LRGUK: variants seen among roughly 807,000 people sequenced by gnomAD.
The protein encoded by LRGUK is leucine rich repeats and guanylate kinase domain containing.
A neutral mutation model predicts 76.0 loss-of-function variants in LRGUK; 65 were observed. That is an observed-to-expected ratio of 0.85 (90% CI 0.70 to 1.05). The LOEUF is 1.05. Among genes scored for constraint, LRGUK ranks in the 50% least tolerant of loss-of-function variants. LRGUK has a pLI of 0.00. For synonymous variants in LRGUK, 268 were observed against 265.6 expected (o/e 1.01, Z -0.09); for missense variants, 758 against 732.8 (o/e 1.03, Z -0.40).
rs372299520 is a variant in LRGUK at position 134,166,243 on chromosome 7, G to A, written c.939+2703G>A. Among the ~76,000 whole-genome samples the A allele has an allele frequency of 4.6e-5, 7 of 151,950 alleles. No homozygotes were observed. The East Asian group carries it at 9.6e-4, about 21-fold the overall frequency. On this transcript the variant is annotated intron_variant, in intron 7 of 15. Transcript: ENST00000645682. ...GCACTTCATCAGTATTATGTACTTG[G>A]TTTTAGCAATTGAAACATTGTAGCA...
chr7:134,174,142 T>C (rs1799382602), intron 7 of LRGUK, among the ~76,000 whole-genome samples: 1 of 148,060 alleles, frequency 6.8e-6, no homozygotes, highest in African/African-American at 2.5e-5. Flanking sequence ...CAGTCATAAA[T>C]GACCAGGGTA....
intron 19 of LRGUK, 44 bp downstream of exon 19, chr7:134,258,449 G>A: frequency 2.5e-6 from 4 of 1,576,626 alleles, no homozygotes; most frequent in Non-Finnish European, 3.5e-6. Flanking sequence ...TGTAATCCCA[G>A]CACTTTGGGA....
At chr7:134,274,712 T>C in the LRGUK span, among the ~76,000 whole-genome samples, 52 of 152,308 alleles carry the variant, frequency 3.4e-4, no homozygotes, top group Non-Finnish European at 7.4e-5. Flanking sequence ...CTTGTTTCAA[T>C]GGAAAAGAGT....
intron 10 of LRGUK, among the ~76,000 whole-genome samples, chr7:134,183,010 C>T (rs373177600): frequency 1.3e-5 from 2 of 152,254 alleles, no homozygotes; most frequent in African/African-American, 4.8e-5. Context: ...TCTGCCTCAG[C>T]CTCCCAAAGT....
chr7:134,217,942 T>C (rs1428449213), intron 15 of LRGUK, among the ~76,000 whole-genome samples: 2 of 152,078 alleles, frequency 1.3e-5, no homozygotes, highest in Non-Finnish European at 2.9e-5. Context: ...AAACCCTCAC[T>C]ATATGGTTTT....
At chr7:134,177,577 T>C (rs1799533820) in intron 9 of LRGUK, among the ~76,000 whole-genome samples, 1 of 152,226 alleles carries the variant, frequency 6.6e-6, no homozygotes, top group Non-Finnish European at 1.5e-5. Flanking sequence ...AGAACTTGAA[T>C]GCTAGCACCT....
intron 3 of LRGUK, among the ~76,000 whole-genome samples, chr7:134,140,003 C>G (rs1797704258): frequency 6.6e-6 from 1 of 152,032 alleles, no homozygotes; most frequent in Admixed American, 6.5e-5. Flanking sequence ...GAGTCTCACT[C>G]TGTTGCCCAG....
At chr7:134,270,153 C>A in the LRGUK span, among the ~76,000 whole-genome samples, 8 of 152,070 alleles carry the variant, frequency 5.3e-5, no homozygotes, top group Admixed American at 5.2e-4. Context: ...TCCTTATCTG[C>A]AGATAATATT....
chr7:134,179,747 A>G (rs1311417064), intron 10 of LRGUK, among the ~76,000 whole-genome samples: 1 of 152,240 alleles, frequency 6.6e-6, no homozygotes, highest in Non-Finnish European at 1.5e-5. Context: ...TCTGGCTGTC[A>G]GGAAAACAAG....
intron 15 of LRGUK, among the ~76,000 whole-genome samples, chr7:134,220,582 T>C (rs980200575): frequency 2.0e-5 from 3 of 151,846 alleles, no homozygotes; most frequent in East Asian, 3.9e-4. Context: ...TCTTCTTCTT[T>C]TTTTTTTTTT....
At chr7:134,163,457 G>C (rs1262621101) in exon 7 of LRGUK, 6 of 1,613,738 alleles carry the variant, frequency 3.7e-6, no homozygotes, top group Non-Finnish European at 5.1e-6. Context: ...GCAGAACCTG[G>C]ATCTGTCCCA....
At chr7:134,158,854 A>C (rs113111232) in intron 6 of LRGUK, among the ~76,000 whole-genome samples, 2 of 152,210 alleles carry the variant, frequency 1.3e-5, no homozygotes, top group Non-Finnish European at 2.9e-5. Flanking sequence ...GGGGGTCTAC[A>C]GTATTGACTG....
At chr7:134,206,700 G>T (rs964893720) in intron 15 of LRGUK, among the ~76,000 whole-genome samples, 1 of 151,898 alleles carries the variant, frequency 6.6e-6, no homozygotes, top group African/African-American at 2.4e-5. Flanking sequence ...TACAAAATAA[G>T]GTAAAAACTA....
intron 6 of LRGUK, among the ~76,000 whole-genome samples, chr7:134,161,171 A>G (rs1235446464): frequency 1.3e-5 from 2 of 152,214 alleles, no homozygotes; most frequent in Admixed American, 6.5e-5. Flanking sequence ...ATTACAGTCT[A>G]TCTACCACAT....
chr7:134,270,909 T>G, the LRGUK span, among the ~76,000 whole-genome samples: 2 of 152,084 alleles, frequency 1.3e-5, no homozygotes, highest in Non-Finnish European at 2.9e-5. Context: ...CTATAGTGGT[T>G]GCTGTAATAT....
At chr7:134,222,404 G>A (rs1400108869) in intron 16 of LRGUK, among the ~76,000 whole-genome samples, 1 of 152,202 alleles carries the variant, frequency 6.6e-6, no homozygotes, top group East Asian at 1.9e-4. Context: ...ATGCACAGGA[G>A]TGTGGAATGC....
At chr7:134,178,427 A>T in intron 9 of LRGUK, 76 bp from the exon 10 acceptor site, 1 of 1,094,106 alleles carries the variant, frequency 9.1e-7, no homozygotes, top group Non-Finnish European at 1.3e-6. Flanking sequence ...ACATTTCATT[A>T]AGGAAAAATC....
intron 11 of LRGUK, among the ~76,000 whole-genome samples, chr7:134,189,910 T>C (rs1403470627): frequency 2.6e-5 from 4 of 152,232 alleles, no homozygotes; most frequent in African/African-American, 9.6e-5. Flanking sequence ...GTACAGTTAA[T>C]TCTTAAGTAT....
chr7:134,161,848 G>A (rs535737094), intron 6 of LRGUK, among the ~76,000 whole-genome samples: 2 of 150,168 alleles, frequency 1.3e-5, no homozygotes, highest in South Asian at 2.1e-4. Context: ...CCGCCACCAC[G>A]CCTGGCTAAT....
Sources: gnomAD v4.1 joint callset for allele counts (sites outside exome capture counted in the v4.1 genomes callset) on GRCh38, gnomAD v4.1.1 for gene constraint, MANE v1.5 for transcripts, NCBI Gene and HGNC (gene_info 2026-07-23, HGNC 2026-07-21) for gene names.